The following PCM1 variants were observed in gnomAD, a reference collection of about 807,000 sequenced individuals.
The protein encoded by PCM1 is pericentriolar material 1.
PCM1 carries 157 observed loss-of-function variants against 241.9 expected under a neutral mutation model. That is an observed-to-expected ratio of 0.65 (90% CI 0.57 to 0.74). The LOEUF (loss-of-function observed/expected upper bound fraction) is 0.74, where lower values mean the gene tolerates loss of function less well. Ranked by LOEUF, PCM1 falls within the 30% of genes least tolerant of loss-of-function variation. The pLI is 0.00. For missense variants in PCM1, 3,478 were observed against 2,360.1 expected (o/e 1.47, Z -9.81); for synonymous variants, 1,085 against 784.9 (o/e 1.38, Z -6.39).
intron 26 of PCM1, 193 bp downstream of exon 26, chr8:17,986,280 C>T (rs1172640751): frequency 7.5e-6 from 3 of 399,256 alleles, no homozygotes; most frequent in South Asian, 5.4e-5. Context: ...TAGCAAACAC[C>T]AAAAATTATG....
rs1049622547 is a variant in PCM1, at chr8:17,993,504, G to A, written c.4712G>A (p.Arg1571His). 32 of 1,571,062 alleles carry A rather than the reference G, an allele frequency of 2.0e-5. No individual in the cohort carries two copies. The highest frequency in any genetic ancestry group is 3.3e-4 in the Middle Eastern group (2 of 6,006). ...NLEETPVIENRSSQQPVSEVS... is the reference protein window; with the variant it reads ...NLEETPVIENHSSQQPVSEVS... ...TTAGAAACTCCCGTTATTGAAAATC[G>A]TAGTTCACAACAACCTGTAAGTGAA... is the stretch of plus-strand genomic sequence containing the variant. Residue 1571 changes from arginine (R) to histidine (H), a missense_variant, in exon 29 of 39, where the codon CGT becomes CAT. Transcript: ENST00000325083.
Position 18,029,938 on chromosome 8 carries a change from C to T in PCM1, c.*2276C>T, listed in dbSNP as rs1197670992. Reference sequence around the variant, plus strand: ...TTTTTCACTGTTAATAAATATATATCCTGTATACAACCCTGAATTGTATTT... The same window carrying T: ...TTTTTCACTGTTAATAAATATATATTCTGTATACAACCCTGAATTGTATTT... On this transcript the variant is annotated 3_prime_UTR_variant, in exon 39 of 39. Transcript: ENST00000325083. The T allele has an allele frequency of 5.5e-6, 1 of 182,926 alleles. No homozygotes were observed. Among genetic ancestry groups the T allele is most frequent in the Non-Finnish European group, 1.2e-5 (1 of 86,066 alleles). 11.3% of individuals were successfully genotyped at this position (182,926 alleles called of 1,614,324 possible). A position where few individuals can be genotyped will look rare whatever the true frequency, so the allele number is the denominator to read the frequency against.
At chr8:18,015,952 G>T (rs942447854) in intron 36 of PCM1, among the ~76,000 whole-genome samples, 1 of 152,142 alleles carries the variant, frequency 6.6e-6, no homozygotes, top group Non-Finnish European at 1.5e-5. Flanking sequence ...GCAGTGGCGC[G>T]ATCTCGGCTC....
Position 18,025,133 on chromosome 8 carries a change from C to CTTTTT in PCM1, c.5842-213_5842-209dup, listed in dbSNP as rs58967642. On this transcript the variant is annotated intron_variant, in intron 36 of 38. Coordinates refer to ENST00000325083, the MANE Select transcript of PCM1 (RefSeq NM_006197.4). ...CAGCATGTATGAACTGCCCCCCTGC[C>CTTTTT]TTTTTTTTTTTTTTTTTTTGTGACA... 23 of 157,376 alleles carry CTTTTT rather than the reference C, an allele frequency of 1.5e-4. 2 individuals carry two copies. The highest frequency in any genetic ancestry group is 2.3e-4 in the Admixed American group (3 of 13,016). 9.7% of individuals were successfully genotyped at this position (157,376 alleles called of 1,614,324 possible). A position where few individuals can be genotyped will look rare whatever the true frequency, so the allele number is the denominator to read the frequency against.
chr8:18,011,352 G>A lies in PCM1; in HGVS notation c.5336G>A (p.Cys1779Tyr). ...GAGGAAGATGAAGAAAGTGAAGGAT[G>A]TCCAGTGTCTATTAGTAAGTTTAAA... ...DQEEDEESEG[C>Y]PVSINLSKAE... is the part of the protein sequence containing the mutation. The change falls in exon 33 of 39, where the codon TGT becomes TAT. Residue 1779 changes from cysteine (C) to tyrosine (Y), a missense_variant. By Grantham distance (194) the Cys-to-Tyr change is radical (BLOSUM62 -2). Coordinates refer to ENST00000325083, the MANE Select transcript of PCM1 (RefSeq NM_006197.4). The A allele has an allele frequency of 6.3e-7, 1 of 1,596,430 alleles. No individual in the cohort carries two copies. The highest frequency in any genetic ancestry group is 8.5e-7 in the Non-Finnish European group (1 of 1,173,648).
intron 20 of PCM1, 112 bp downstream of exon 20, chr8:17,966,585 C>G (rs939434249): frequency 1.8e-5 from 15 of 853,358 alleles, no homozygotes; most frequent in East Asian, 2.6e-5. Context: ...TTTGGACATT[C>G]TCTTTCCCTT....
intron 6 of PCM1, among the ~76,000 whole-genome samples, chr8:17,944,377 T>G (rs1293700073): frequency 6.6e-6 from 1 of 152,108 alleles, no homozygotes; most frequent in Non-Finnish European, 1.5e-5. Flanking sequence ...AACCTTCACA[T>G]GAAGAAATTG....
At chr8:18,025,914 C>T (rs62498213) in intron 38 of PCM1, among the ~76,000 whole-genome samples, 12,470 of 151,926 alleles carry the variant, frequency 0.082, 730 homozygotes, top group East Asian at 0.3. Flanking sequence ...CCTGTAATCC[C>T]AGCACTTTGG....
intron 24 of PCM1, among the ~76,000 whole-genome samples, chr8:17,984,741 T>C (rs1210034064): frequency 6.6e-6 from 1 of 151,996 alleles, no homozygotes; most frequent in Non-Finnish European, 1.5e-5. Flanking sequence ...AATAATTTTG[T>C]GTTATCAACA....
intron 1 of PCM1, among the ~76,000 whole-genome samples, chr8:17,923,405 C>T (rs974053314): frequency 6.6e-6 from 1 of 152,218 alleles, no homozygotes; most frequent in African/African-American, 2.4e-5. Flanking sequence ...CGGGTGAGCA[C>T]CTCGCGACGC....
Position 18,011,223 on chromosome 8 carries a change from AT to A in PCM1, c.5221-9del. On this transcript the variant is annotated splice_polypyrimidine_tract_variant and intron_variant, in intron 32 of 38. Transcript: ENST00000325083. ...ACTTTAAGGAATTAATTACTCAAATATTTTTGTGTCTAGGACAAGGATGAAA... is the reference window on the plus strand; with the variant it reads ...ACTTTAAGGAATTAATTACTCAAATATTTTGTGTCTAGGACAAGGATGAAA... 2 of 1,581,178 alleles carry A rather than the reference AT, an allele frequency of 1.3e-6. No homozygotes were observed. Among genetic ancestry groups the A allele is most frequent in the South Asian group, 1.2e-5 (1 of 85,142 alleles).
Position 17,951,130 on chromosome 8 carries a change from T to C in PCM1, c.1071+406T>C, listed in dbSNP as rs557901130. On this transcript the variant is annotated intron_variant, in intron 8 of 38. Transcript: ENST00000325083. ...GGGATTCTATACAGCCTTGGAATTC[T>C]CATTTGAAGGAATATTTTACTAACA... Among the ~76,000 whole-genome samples, 23 of 152,374 alleles carry C rather than the reference T, an allele frequency of 1.5e-4. No homozygotes were observed. In the South Asian group the frequency reaches 2.7e-3, roughly 18 times the overall value.
rs1172923768 is a variant in PCM1, at chr8:17,986,363, T to TAA, written c.4410+279_4410+280dup. 2.5e-5 allele frequency: 5 copies of TAA among 201,578 alleles called. No individual in the cohort carries two copies. In the South Asian group the frequency reaches 9.3e-4, roughly 37 times the overall value. 12.5% of individuals were successfully genotyped at this position (201,578 alleles called of 1,614,324 possible). A position where few individuals can be genotyped will look rare whatever the true frequency, so the allele number is the denominator to read the frequency against. On this transcript the variant is annotated intron_variant, in intron 26 of 38. Transcript: ENST00000325083. ...ATTACCCAGTATAGGGGCTGACTCT[T>TAA]AAAAGACATTTACAAATGTATGTTG... is the stretch of plus-strand genomic sequence containing the variant.
chr8:17,940,066 G>A (rs1320422858), intron 6 of PCM1: 1 of 1,578,572 alleles, frequency 6.3e-7, no homozygotes, highest in Non-Finnish European at 8.6e-7. Context: ...GGAGGAGGAT[G>A]TTCGGACTAT....
At chr8:17,927,433 G>A (rs944622480) in intron 2 of PCM1, 3 of 151,762 alleles carry the variant, frequency 2.0e-5, no homozygotes, top group Non-Finnish European at 4.4e-5. Context: ...TGATTACTTT[G>A]AATTTCTTCT....
intron 23 of PCM1, among the ~76,000 whole-genome samples, chr8:17,976,669 C>T (rs902783613): frequency 3.9e-4 from 59 of 152,276 alleles, no homozygotes; most frequent in African/African-American, 1.4e-3. Flanking sequence ...TCTTTCCCTT[C>T]AGTGGAGGCT....
In PCM1 at chr8:17,939,788, A is replaced by T; in HGVS notation, c.710A>T (p.Glu237Val). 6.5e-7 allele frequency: 1 copy of T among 1,546,798 alleles called. No homozygotes were observed. Among genetic ancestry groups the T allele is most frequent in the East Asian group, 2.4e-5 (1 of 42,310 alleles). Reference protein sequence around the residue: ...VEKNERSANVERLTHLIDHLK... With the variant: ...VEKNERSANVVRLTHLIDHLK... ...AAAAATGAGAGATCTGCTAATGTTG[A>T]GCGCCTTACTCATCTAATAGATCAC... Residue 237 changes from glutamate (E) to valine (V), a missense_variant, in exon 6 of 39, where the codon GAG becomes GTG. By Grantham distance (121) the Glu-to-Val change is moderately radical (BLOSUM62 -2). Coordinates refer to ENST00000325083, the MANE Select transcript of PCM1 (RefSeq NM_006197.4).
chr8:18,017,038 G>T (rs1263239261), intron 36 of PCM1, among the ~76,000 whole-genome samples: 1 of 152,182 alleles, frequency 6.6e-6, no homozygotes, highest in Non-Finnish European at 1.5e-5. Context: ...AGCCACTGGG[G>T]AAGCATGTTA....
Position 17,939,747 on chromosome 8 carries a change from G to C in PCM1, c.669G>C (p.Arg223=). The C allele has an allele frequency of 6.4e-7, 1 of 1,559,160 alleles. No homozygotes were observed. The highest frequency in any genetic ancestry group is 1.2e-5 in the South Asian group (1 of 84,602). Residue 223 remains arginine (R), a synonymous_variant, in exon 6 of 39, where the codon CGG becomes CGC. Transcript: ENST00000325083. ...ATATTACTAAAGCTAGTTCCATGCG[G>C]GAAGATCTTGTAGAGAAAAATGAGA... ...RDYITKASSM[R]EDLVEKNERS...
Sources: allele counts gnomAD v4.1 joint callset (sites outside exome capture counted in the v4.1 genomes callset), GRCh38; gene constraint gnomAD v4.1.1; transcripts MANE v1.5; gene names NCBI Gene and HGNC (gene_info 2026-07-23, HGNC 2026-07-21).